Variants in DLGAP1 observed in about 807,000 individuals in gnomAD.
DLGAP1 encodes disks large-associated protein 1.
In DLGAP1, 11 loss-of-function variants were observed where a neutral mutation model predicts 90.8. The observed-to-expected ratio is 0.12, with a 90% CI of 0.08 to 0.20. DLGAP1 has a LOEUF of 0.20. Ranked by LOEUF, DLGAP1 falls within the 10% of genes least tolerant of loss-of-function variation. The probability of loss-of-function intolerance (pLI) is 1.00; values close to 1 mark genes in which losing one functional copy is unlikely to be tolerated. For synonymous variants in DLGAP1, 558 were observed against 540.7 expected (o/e 1.03, Z -0.44); for missense variants, 1,050 against 1,333.8 (o/e 0.79, Z 3.31).
chr18:4,014,222 A>G (rs1344325196), intron 2 of DLGAP1, among the ~76,000 whole-genome samples: 1 of 151,656 alleles, frequency 6.6e-6, no homozygotes, highest in African/African-American at 2.4e-5. Context: ...AGTAGCTGGG[A>G]CTACAGGTGC....
chr18:3,512,127 C>G (rs1434983124), intron 10 of DLGAP1, among the ~76,000 whole-genome samples: 1 of 152,076 alleles, frequency 6.6e-6, no homozygotes, highest in African/African-American at 2.4e-5. Flanking sequence ...CACCCATCTC[C>G]CTTAGGGCAC....
chr18:4,020,102 C>A (rs911277941), intron 2 of DLGAP1, among the ~76,000 whole-genome samples: 7 of 152,056 alleles, frequency 4.6e-5, no homozygotes, highest in Non-Finnish European at 8.8e-5. Context: ...TAGGTTTTAT[C>A]GTGCAGATGA....
intron 4 of DLGAP1, among the ~76,000 whole-genome samples, chr18:3,835,821 A>G (rs1316414002): frequency 1.3e-5 from 2 of 152,148 alleles, no homozygotes; most frequent in Non-Finnish European, 2.9e-5. Context: ...CAATAATAGC[A>G]TAGGAAGATT....
chr18:4,388,223 G>A (rs1225420231), intron 1 of DLGAP1, among the ~76,000 whole-genome samples: 2 of 152,044 alleles, frequency 1.3e-5, no homozygotes, highest in Non-Finnish European at 2.9e-5. Flanking sequence ...ACAGGACACA[G>A]TAAAGTAAAA....
At chr18:4,114,464 C>T (rs190601407) in intron 2 of DLGAP1, among the ~76,000 whole-genome samples, 42 of 152,164 alleles carry the variant, frequency 2.8e-4, no homozygotes, top group African/African-American at 9.6e-4. Context: ...GATTTTGTAT[C>T]CTGAAACTTC....
intron 7 of DLGAP1, among the ~76,000 whole-genome samples, chr18:3,622,672 C>T (rs1425961462): frequency 6.6e-6 from 1 of 152,188 alleles, no homozygotes; most frequent in Non-Finnish European, 1.5e-5. Flanking sequence ...CATCTTTCCC[C>T]AATTTCTTGC....
At chr18:3,585,334 T>G (rs1185127434) in intron 7 of DLGAP1, among the ~76,000 whole-genome samples, 1 of 152,196 alleles carries the variant, frequency 6.6e-6, no homozygotes, top group Non-Finnish European at 1.5e-5. Context: ...GAGGCATGAG[T>G]GATGGTAGTC....
intron 3 of DLGAP1, among the ~76,000 whole-genome samples, chr18:4,000,319 G>A (rs113351404): frequency 5.3e-5 from 8 of 152,050 alleles, no homozygotes; most frequent in African/African-American, 1.2e-4. Context: ...TATTTTCAAC[G>A]GATATGTTTT....
At chr18:3,678,719 T>G (rs2060401682) in intron 7 of DLGAP1, among the ~76,000 whole-genome samples, 1 of 152,232 alleles carries the variant, frequency 6.6e-6, no homozygotes. Context: ...TTCTCAAATT[T>G]TATAGAAATG....
intron 2 of DLGAP1, among the ~76,000 whole-genome samples, chr18:4,147,461 T>G (rs2076603208): frequency 6.6e-6 from 1 of 152,162 alleles, no homozygotes; most frequent in Non-Finnish European, 1.5e-5. Flanking sequence ...AAGGTTTCTG[T>G]GTGAAGGAAA....
At chr18:4,235,717 G>GTTTTTTTT (rs2078395182) in intron 1 of DLGAP1, among the ~76,000 whole-genome samples, 1 of 101,602 alleles carries the variant, frequency 9.8e-6, no homozygotes, top group African/African-American at 3.7e-5. Flanking sequence ...CAATTTCAAT[G>GTTTTTTTT]TCTTTTTTTT....
intron 5 of DLGAP1, among the ~76,000 whole-genome samples, chr18:3,804,753 A>C (rs147154879): frequency 5.9e-5 from 9 of 152,352 alleles, no homozygotes; most frequent in African/African-American, 2.2e-4. Flanking sequence ...TTGTGTAATG[A>C]TGCGTTAGCA....
At chr18:4,078,303 A>G (rs2075554256) in intron 2 of DLGAP1, among the ~76,000 whole-genome samples, 1 of 152,236 alleles carries the variant, frequency 6.6e-6, no homozygotes, top group African/African-American at 2.4e-5. Context: ...GGAACAGCCA[A>G]TGTGACTCAG....
intron 3 of DLGAP1, among the ~76,000 whole-genome samples, chr18:3,981,268 C>T (rs942900021): frequency 6.6e-6 from 1 of 152,228 alleles, no homozygotes; most frequent in African/African-American, 2.4e-5. Flanking sequence ...TCAAAGCTAG[C>T]AAGGAAAAGG....
intron 6 of DLGAP1, among the ~76,000 whole-genome samples, chr18:3,730,810 AT>A (rs1203019889): frequency 6.6e-6 from 1 of 152,194 alleles, no homozygotes. Context: ...TAAAAATGCT[AT>A]TTTCACAGTC....
At chr18:3,514,245 T>A (rs570539639) in intron 10 of DLGAP1, among the ~76,000 whole-genome samples, 121 of 152,288 alleles carry the variant, frequency 7.9e-4, no homozygotes, top group Non-Finnish European at 1.3e-3. Context: ...TAGCTGGGAT[T>A]ACAGGCATGA....
chr18:3,782,385 T>C (rs1458571396), intron 5 of DLGAP1, among the ~76,000 whole-genome samples: 1 of 152,198 alleles, frequency 6.6e-6, no homozygotes, highest in African/African-American at 2.4e-5. Flanking sequence ...GATCCGCCTG[T>C]CTTGGCCTCC....
Position 3,526,288 on chromosome 18 carries a change from C to T in DLGAP1, c.2479+7906G>A, listed in dbSNP as rs1023195887. Among the ~76,000 whole-genome samples the T allele has an allele frequency of 2.0e-5, 3 of 152,168 alleles. No homozygotes were observed. Among genetic ancestry groups the T allele is most frequent in the African/African-American group, 7.2e-5 (3 of 41,440 alleles). ...TCACAGATACAGCTTTGTCTGCCAC[C>T]CACTGTTTCACAGGCCGCAGAGACA... On this transcript the variant is annotated intron_variant, in intron 10 of 12. Coordinates refer to ENST00000315677, the MANE Select transcript of DLGAP1 (RefSeq NM_004746.4). The surrounding 1 kb of genome is among the most constrained non-coding windows in gnomAD (Gnocchi z 4.7).
chr18:3,913,106 G>GT (rs2072070601), intron 3 of DLGAP1, among the ~76,000 whole-genome samples: 3 of 151,996 alleles, frequency 2.0e-5, no homozygotes, highest in Non-Finnish European at 4.4e-5. Context: ...GAGATACTTT[G>GT]TTTTTTGTTT....
Sources: allele counts gnomAD v4.1 joint callset (sites outside exome capture counted in the v4.1 genomes callset), GRCh38; gene constraint gnomAD v4.1.1; non-coding constraint Gnocchi (gnomAD v3.1); transcripts MANE v1.5; gene names NCBI Gene and HGNC (gene_info 2026-07-23, HGNC 2026-07-21).